CAMSAP2: variants seen among roughly 807,000 people sequenced by gnomAD.
CAMSAP2 encodes calmodulin-regulated spectrin-associated protein 2.
CAMSAP2 carries 26 observed loss-of-function variants against 146.1 expected under a neutral mutation model. The observed-to-expected ratio is 0.18, with a 90% CI of 0.13 to 0.25. CAMSAP2 has a LOEUF of 0.25. Among genes scored for constraint, CAMSAP2 ranks in the 10% least tolerant of loss-of-function variants. CAMSAP2 has a pLI of 1.00. For missense variants in CAMSAP2, 1,381 were observed against 1,759.3 expected (o/e 0.78, Z 3.85); for synonymous variants, 499 against 596.6 (o/e 0.84, Z 2.38).
intron 3 of CAMSAP2, among the ~76,000 whole-genome samples, chr1:200,815,111 T>C (rs1666446684): frequency 6.6e-6 from 1 of 152,142 alleles, no homozygotes; most frequent in Non-Finnish European, 1.5e-5. Context: ...AACTCCCCCA[T>C]GATCATGGAT....
intron 3 of CAMSAP2, among the ~76,000 whole-genome samples, chr1:200,808,988 G>T (rs1666253151): frequency 1.3e-5 from 2 of 152,190 alleles, no homozygotes; most frequent in African/African-American, 4.8e-5. Context: ...TATTGCTGGA[G>T]AAATTTACAC....
intron 4 of CAMSAP2, among the ~76,000 whole-genome samples, chr1:200,817,314 G>T: frequency 6.8e-6 from 1 of 146,918 alleles, no homozygotes; most frequent in Non-Finnish European, 1.5e-5. Flanking sequence ...CAGTATGGTT[G>T]TTCTGTGAAG....
At chr1:200,829,272 G>A (rs1666983728) in intron 4 of CAMSAP2, among the ~76,000 whole-genome samples, 1 of 152,106 alleles carries the variant, frequency 6.6e-6, no homozygotes, top group Non-Finnish European at 1.5e-5. Flanking sequence ...TCATCTTTGT[G>A]GCTGAGCATG....
chr1:200,810,928 A>G (rs749733752), intron 3 of CAMSAP2, among the ~76,000 whole-genome samples: 1 of 151,974 alleles, frequency 6.6e-6, no homozygotes, highest in Non-Finnish European at 1.5e-5. Context: ...AGTGTCTTCC[A>G]TCCTAAGAAA....
chr1:200,824,702 G>A (rs780383031), intron 4 of CAMSAP2, among the ~76,000 whole-genome samples: 56 of 152,292 alleles, frequency 3.7e-4, no homozygotes, highest in Non-Finnish European at 7.1e-4. Flanking sequence ...CTACTGGCCG[G>A]GCATGGTGGC....
At chr1:200,828,507 G>A (rs1666959822) in intron 4 of CAMSAP2, 2 of 1,459,036 alleles carry the variant, frequency 1.4e-6, no homozygotes, top group South Asian at 2.4e-5. Context: ...GTTAATTGAA[G>A]ATAATTCTGA....
At chr1:200,851,397 G>A (rs377366552) in intron 11 of CAMSAP2, among the ~76,000 whole-genome samples, 7 of 152,038 alleles carry the variant, frequency 4.6e-5, no homozygotes, top group African/African-American at 1.7e-4. Context: ...GTTTCTCCAC[G>A]TTGGTCAGGC....
chr1:200,829,184 A>G (rs1375781390), intron 4 of CAMSAP2, among the ~76,000 whole-genome samples: 1 of 152,090 alleles, frequency 6.6e-6, no homozygotes, highest in Non-Finnish European at 1.5e-5. Flanking sequence ...AAATCTTACT[A>G]TGTAGCTTCT....
At position 200,853,742 on chromosome 1, in the gene CAMSAP2, GGA is replaced by G. The variant is rs1667682187; in HGVS notation, c.3823+248_3823+249del. 1.3e-5 allele frequency among the ~76,000 whole-genome samples: 2 copies of G among 152,040 alleles called. No homozygotes were observed. Among genetic ancestry groups the G allele is most frequent in the Admixed American group, 1.3e-4 (2 of 15,256 alleles). On this transcript the variant is annotated intron_variant, in intron 13 of 16. Coordinates refer to ENST00000358823, the MANE Select transcript of CAMSAP2 (RefSeq NM_203459.4). The surrounding 1 kb of genome is among the most constrained non-coding windows in gnomAD (Gnocchi z 5.1). ...TCAAATCTAAATATTAATCTATTAGGGAACTGTGCCCTCAGATATAATCTCCT... is the reference window on the plus strand; with the variant it reads ...TCAAATCTAAATATTAATCTATTAGGACTGTGCCCTCAGATATAATCTCCT...
chr1:200,752,004 A>C (rs1664519326), intron 1 of CAMSAP2, among the ~76,000 whole-genome samples: 1 of 152,210 alleles, frequency 6.6e-6, no homozygotes, highest in Non-Finnish European at 1.5e-5. Context: ...GGCCACATTA[A>C]CTTGGAAATG....
At chr1:200,759,528 C>G (rs1002841563) in intron 1 of CAMSAP2, among the ~76,000 whole-genome samples, 1 of 152,120 alleles carries the variant, frequency 6.6e-6, no homozygotes, top group African/African-American at 2.4e-5. Flanking sequence ...CTGCCCACTT[C>G]GACCTCCCAA....
At chr1:200,770,860 T>A (rs1462711744) in intron 2 of CAMSAP2, among the ~76,000 whole-genome samples, 1 of 152,196 alleles carries the variant, frequency 6.6e-6, no homozygotes, top group Admixed American at 6.6e-5. Context: ...GTTTATTTAG[T>A]AGATACTCGG....
At position 200,849,680 on chromosome 1, in the gene CAMSAP2, T is replaced by C. The variant is rs758888912; in HGVS notation, c.2911T>C (p.Ser971Pro). The C allele has an allele frequency of 6.2e-7, 1 of 1,614,166 alleles. No individual in the cohort carries two copies. Among genetic ancestry groups the C allele is most frequent in the East Asian group, 2.2e-5 (1 of 44,884 alleles). Reference protein sequence around the residue: ...QSSNRKSASFSVKSQRTPRPN... With the variant: ...QSSNRKSASFPVKSQRTPRPN... ...TTCTAACAGGAAAAGTGCATCTTTT[T>C]CTGTTAAAAGTCAAAGGACTCCTAG... Residue 971 changes from serine (S) to proline (P), a missense_variant, in exon 11 of 17, where the codon TCT becomes CCT. Transcript: ENST00000358823. The surrounding 1 kb of genome is among the most constrained non-coding windows in gnomAD (Gnocchi z 6.3).
intron 2 of CAMSAP2, among the ~76,000 whole-genome samples, chr1:200,771,864 C>T (rs1416498050): frequency 2.6e-5 from 4 of 152,150 alleles, no homozygotes; most frequent in Non-Finnish European, 5.9e-5. Flanking sequence ...GCTTTCTGAG[C>T]TTAGTGTTTT....
At chr1:200,817,387 C>T (rs1666632601) in intron 4 of CAMSAP2, among the ~76,000 whole-genome samples, 1 of 152,014 alleles carries the variant, frequency 6.6e-6, no homozygotes, top group African/African-American at 2.4e-5. Context: ...TTAGAATTTT[C>T]TTCTCTGAAA....
At chr1:200,796,716 A>G (rs986560146) in intron 2 of CAMSAP2, among the ~76,000 whole-genome samples, 2 of 149,254 alleles carry the variant, frequency 1.3e-5, no homozygotes, top group East Asian at 2.0e-4. Flanking sequence ...ACATGTGCAC[A>G]TTGTGAAGGT....
intron 11 of CAMSAP2, among the ~76,000 whole-genome samples, chr1:200,851,491 A>G (rs1013723215): frequency 6.6e-6 from 1 of 152,210 alleles, no homozygotes; most frequent in Non-Finnish European, 1.5e-5. Flanking sequence ...CCCCGTGCCC[A>G]GCCAAGGTAC....
intron 6 of CAMSAP2, among the ~76,000 whole-genome samples, chr1:200,840,245 C>G (rs1293978110): frequency 6.6e-6 from 1 of 152,104 alleles, no homozygotes; most frequent in South Asian, 2.1e-4. Flanking sequence ...AGACAAAAAC[C>G]TAAGAGTCAT....
At chr1:200,773,186 A>G (rs144225744) in intron 2 of CAMSAP2, among the ~76,000 whole-genome samples, 6 of 152,298 alleles carry the variant, frequency 3.9e-5, no homozygotes, top group East Asian at 1.9e-4. Context: ...CCTGCCAGCA[A>G]TAATTTTTAT....
Sources: allele counts gnomAD v4.1 joint callset (sites outside exome capture counted in the v4.1 genomes callset), GRCh38; gene constraint gnomAD v4.1.1; non-coding constraint Gnocchi (gnomAD v3.1); transcripts MANE v1.5; gene names NCBI Gene and HGNC (gene_info 2026-07-23, HGNC 2026-07-21).